The following PRKCI variants were observed in gnomAD, a reference collection of about 807,000 sequenced individuals.
PRKCI encodes the protein protein kinase C iota type.
A neutral mutation model predicts 84.0 loss-of-function variants in PRKCI; 43 were observed. The observed-to-expected ratio is 0.51, with a 90% CI of 0.40 to 0.66. The LOEUF (loss-of-function observed/expected upper bound fraction) is 0.66. Among genes scored for constraint, PRKCI ranks in the 30% least tolerant of loss-of-function variants. The pLI is 0.00. For synonymous variants in PRKCI, 216 were observed against 234.4 expected (o/e 0.92, Z 0.72); for missense variants, 459 against 745.6 (o/e 0.62, Z 4.48).
chr3:170,287,528 A>G (rs1027930741), intron 12 of PRKCI, among the ~76,000 whole-genome samples: 2 of 151,870 alleles, frequency 1.3e-5, no homozygotes, highest in East Asian at 1.9e-4. Flanking sequence ...GTGGTTACCA[A>G]TTGCATTACA....
In PRKCI at chr3:170,249,812, AAT is replaced by A. The variant is rs1388307826; in HGVS notation, c.224-10156_224-10155del. Among the ~76,000 whole-genome samples, 5 of 152,028 alleles carry A rather than the reference AAT, an allele frequency of 3.3e-5. No homozygotes were observed. In the East Asian group the frequency reaches 9.6e-4, roughly 29 times the overall value. On this transcript the variant is annotated intron_variant, in intron 2 of 17. Coordinates refer to ENST00000295797, the MANE Select transcript of PRKCI (RefSeq NM_002740.6). Reference sequence around the variant, plus strand: ...ACTCTGTCTCAGAAAAAAAAAAAAAAATGATACCAACTTTCATATTTGTGGCA... The same window carrying A: ...ACTCTGTCTCAGAAAAAAAAAAAAAAGATACCAACTTTCATATTTGTGGCA...
At chr3:170,237,171 A>G (rs1733000828) in intron 2 of PRKCI, among the ~76,000 whole-genome samples, 1 of 152,230 alleles carries the variant, frequency 6.6e-6, no homozygotes, top group African/African-American at 2.4e-5. Flanking sequence ...TGTGAAGAAC[A>G]TGATGAGTGA....
chr3:170,305,544 G>A lies in PRKCI; in HGVS notation c.*2417G>A, dbSNP rs1734936205. On this transcript the variant is annotated 3_prime_UTR_variant, in exon 18 of 18. Coordinates refer to ENST00000295797, the MANE Select transcript of PRKCI (RefSeq NM_002740.6). Reference sequence around the variant, plus strand: ...GAGGTTTTAACCATTATTCAGGGTGGTCTTTTGTTTTTAAATCTTTTTTTA... The same window carrying A: ...GAGGTTTTAACCATTATTCAGGGTGATCTTTTGTTTTTAAATCTTTTTTTA... 1 of 152,160 alleles carries A rather than the reference G, an allele frequency of 6.6e-6. No individual in the cohort carries two copies. The highest frequency in any genetic ancestry group is 2.4e-5 in the African/African-American group (1 of 41,406). The allele number at this position is 152,160 out of a possible 1,614,324, so 9.4% of individuals were successfully genotyped here.
intron 2 of PRKCI, among the ~76,000 whole-genome samples, chr3:170,239,858 A>C (rs528130479): frequency 6.6e-6 from 1 of 152,170 alleles, no homozygotes; most frequent in South Asian, 2.1e-4. Flanking sequence ...TGCTCAAAAA[A>C]TATTTGTGGC....
chr3:170,277,179 G>A (rs1343323786), intron 8 of PRKCI, among the ~76,000 whole-genome samples: 1 of 151,790 alleles, frequency 6.6e-6, no homozygotes, highest in African/African-American at 2.4e-5. Context: ...AACTGGGGAG[G>A]CGGAGATTAC....
At chr3:170,265,493 T>A (rs1733836712) in intron 4 of PRKCI, among the ~76,000 whole-genome samples, 1 of 152,246 alleles carries the variant, frequency 6.6e-6, no homozygotes, top group Non-Finnish European at 1.5e-5. Flanking sequence ...TTTGGCATAA[T>A]TTACTAATTG....
At chr3:170,237,870 T>C (rs539281062) in intron 2 of PRKCI, among the ~76,000 whole-genome samples, 83 of 152,320 alleles carry the variant, frequency 5.4e-4, no homozygotes, top group African/African-American at 1.7e-3. Flanking sequence ...CCAATTCCAA[T>C]TGTAAGAGAA....
intron 15 of PRKCI, among the ~76,000 whole-genome samples, chr3:170,296,465 T>A (rs1734687347): frequency 6.6e-6 from 1 of 152,194 alleles, no homozygotes; most frequent in Admixed American, 6.5e-5. Context: ...TATCTTTGGC[T>A]CTTAAAAATG....
In PRKCI at chr3:170,281,215, A is replaced by G; in HGVS notation, c.932A>G (p.Asn311Ser). The G allele has an allele frequency of 3.7e-6, 6 of 1,613,814 alleles. No individual in the cohort carries two copies. The highest frequency in any genetic ancestry group is 5.1e-6 in the Non-Finnish European group (6 of 1,179,988). ...AAGCATGTGTTTGAGCAGGCATCCA[A>G]TCATCCTTTCCTTGTTGGGCTGCAT... ...TEKHVFEQAS[N>S]HPFLVGLHSC... Residue 311 changes from asparagine (N) to serine (S), a missense_variant, in exon 10 of 18, where the codon AAT becomes AGT. Coordinates refer to ENST00000295797, the MANE Select transcript of PRKCI (RefSeq NM_002740.6).
At chr3:170,263,005 C>T (rs1184121433) in intron 3 of PRKCI, among the ~76,000 whole-genome samples, 1 of 151,616 alleles carries the variant, frequency 6.6e-6, no homozygotes, top group Non-Finnish European at 1.5e-5. Flanking sequence ...CCCGTCTCTA[C>T]TAAAAATACA....
chr3:170,254,971 CTT>C (rs35938677), intron 2 of PRKCI, among the ~76,000 whole-genome samples: 11 of 116,396 alleles, frequency 9.5e-5, no homozygotes, highest in East Asian at 2.6e-4. Flanking sequence ...AATATCTTTC[CTT>C]TTTTTTTTTT....
intron 13 of PRKCI, among the ~76,000 whole-genome samples, chr3:170,292,584 T>G (rs1734579263): frequency 6.6e-6 from 1 of 151,928 alleles, no homozygotes; most frequent in Admixed American, 6.6e-5. Context: ...CTTTATCAGC[T>G]AGCAAAAGAT....
At chr3:170,268,518 T>A (rs992332154) in intron 5 of PRKCI, among the ~76,000 whole-genome samples, 19 of 151,668 alleles carry the variant, frequency 1.3e-4, no homozygotes, top group African/African-American at 4.4e-4. Flanking sequence ...GATGATTAAT[T>A]ATTCCACATA....
chr3:170,268,828 C>G (rs1560177540), intron 5 of PRKCI, among the ~76,000 whole-genome samples: 2 of 152,244 alleles, frequency 1.3e-5, no homozygotes, highest in East Asian at 3.9e-4. Flanking sequence ...GTAACTTGCC[C>G]AAGATAATAC....
At chr3:170,259,144 CA>C (rs930021348) in intron 2 of PRKCI, among the ~76,000 whole-genome samples, 1 of 148,190 alleles carries the variant, frequency 6.7e-6, no homozygotes, top group African/African-American at 2.5e-5. Context: ...AACTCCATCT[CA>C]AAAAAAAAGA....
chr3:170,271,246 T>G (rs1374108555), intron 6 of PRKCI, among the ~76,000 whole-genome samples: 2 of 152,164 alleles, frequency 1.3e-5, no homozygotes, highest in African/African-American at 4.8e-5. Context: ...AACTCCCATT[T>G]ACTAGACATC....
chr3:170,247,830 G>T (rs1316367804), intron 2 of PRKCI, among the ~76,000 whole-genome samples: 1 of 150,822 alleles, frequency 6.6e-6, no homozygotes, highest in African/African-American at 2.4e-5. Context: ...CCCAGAAAAA[G>T]GAAGCAACAA....
intron 2 of PRKCI, among the ~76,000 whole-genome samples, chr3:170,248,202 C>T (rs1432724569): frequency 6.6e-6 from 1 of 152,094 alleles, no homozygotes; most frequent in Admixed American, 6.5e-5. Context: ...CTAAATAAAA[C>T]AAGAGTTACA....
At chr3:170,259,913 A>G in intron 2 of PRKCI, 56 bp from the exon 3 acceptor site, 1 of 960,644 alleles carries the variant, frequency 1.0e-6, no homozygotes, top group South Asian at 1.9e-5. Context: ...TTTGTTTAGT[A>G]ATCATCACAT....
Sources: allele counts gnomAD v4.1 joint callset (sites outside exome capture counted in the v4.1 genomes callset), GRCh38; gene constraint gnomAD v4.1.1; transcripts MANE v1.5; gene names NCBI Gene and HGNC (gene_info 2026-07-23, HGNC 2026-07-21).